The following SLC35F4 variants were observed in gnomAD, a reference collection of about 807,000 sequenced individuals.
SLC35F4 encodes the protein chromosome 14 open reading frame 36.
Under a neutral mutation model 44.2 loss-of-function variants are expected in SLC35F4, and 24 were observed. The observed-to-expected ratio is 0.54, with a 90% CI of 0.39 to 0.76. The LOEUF (loss-of-function observed/expected upper bound fraction) is 0.76. Among genes scored for constraint, SLC35F4 ranks in the 30% least tolerant of loss-of-function variants. SLC35F4 has a pLI of 0.00. For synonymous variants in SLC35F4, 238 were observed against 223.6 expected, an observed-to-expected ratio of 1.06 and a Z score of -0.57; for missense variants, 562 against 586.1, an observed-to-expected ratio of 0.96 and a Z score of 0.42.
At chr14:57,716,306 T>C (rs557252456) in intron 1 of SLC35F4, among the ~76,000 whole-genome samples, 176 of 151,996 alleles carry the variant, frequency 1.2e-3, no homozygotes, top group South Asian at 0.011. Context: ...TTTTTTTTTT[T>C]CTGTCTTTTG....
intron 1 of SLC35F4, among the ~76,000 whole-genome samples, chr14:57,791,421 C>T (rs1463328484): frequency 4.6e-5 from 7 of 152,138 alleles, no homozygotes. Flanking sequence ...AAATCAAAAC[C>T]ACAATGAAAT....
intron 1 of SLC35F4, among the ~76,000 whole-genome samples, chr14:57,722,461 T>A (rs1030746109): frequency 1.3e-5 from 2 of 152,116 alleles, no homozygotes; most frequent in Admixed American, 6.5e-5. Flanking sequence ...CAAAATAGAT[T>A]TGTGAGGCAG....
chr14:57,750,175 T>A (rs2076850710), intron 1 of SLC35F4, among the ~76,000 whole-genome samples: 1 of 152,108 alleles, frequency 6.6e-6, no homozygotes, highest in African/African-American at 2.4e-5. Context: ...TTACTTAAGA[T>A]AATGATGTCC....
intron 1 of SLC35F4, among the ~76,000 whole-genome samples, chr14:57,723,942 C>T (rs765248562): frequency 7.9e-5 from 12 of 152,128 alleles, no homozygotes; most frequent in Non-Finnish European, 1.8e-4. Context: ...GGATCTTCTA[C>T]CTCAGTAAAA....
At chr14:57,739,936 C>T (rs1347432077) in intron 1 of SLC35F4, among the ~76,000 whole-genome samples, 11 of 152,076 alleles carry the variant, frequency 7.2e-5, no homozygotes, top group Non-Finnish European at 1.3e-4. Flanking sequence ...CTTGGCTCAC[C>T]GAAACCTCTG....
intron 1 of SLC35F4, among the ~76,000 whole-genome samples, chr14:57,802,130 C>G (rs562826002): frequency 6.6e-6 from 1 of 152,286 alleles, no homozygotes; most frequent in African/African-American, 2.4e-5. Context: ...AACAAATAGT[C>G]TCTTAGACCA....
intron 1 of SLC35F4, 116 bp downstream of exon 1, chr14:57,865,607 C>G (rs1274775825): frequency 1.3e-6 from 1 of 767,626 alleles, no homozygotes; most frequent in Non-Finnish European, 1.9e-6. Context: ...GTGTTGACAG[C>G]GTCCGCAGGG....
chr14:57,578,144 A>G (rs566935465), intron 4 of SLC35F4, among the ~76,000 whole-genome samples: 5 of 151,930 alleles, frequency 3.3e-5, no homozygotes, highest in Non-Finnish European at 7.4e-5. Context: ...TTCTTTTTAC[A>G]TTAAAAAAAA....
chr14:57,698,110 T>C (rs2075436748), intron 1 of SLC35F4, among the ~76,000 whole-genome samples: 1 of 152,200 alleles, frequency 6.6e-6, no homozygotes, highest in Admixed American at 6.5e-5. Flanking sequence ...ATTGAGTTAA[T>C]ATAAACTACT....
intron 1 of SLC35F4, among the ~76,000 whole-genome samples, chr14:57,708,717 AG>A (rs954872726): frequency 6.6e-5 from 10 of 152,164 alleles, no homozygotes; most frequent in Non-Finnish European, 1.3e-4. Context: ...AGCTGGGCCC[AG>A]GGGACCACTA....
chr14:57,960,702 T>C (rs569839937), intron 1 of SLC35F4, among the ~76,000 whole-genome samples: 4 of 152,190 alleles, frequency 2.6e-5, no homozygotes, highest in African/African-American at 4.8e-5. Flanking sequence ...AAGAGATTTA[T>C]TCTCTTCTAA....
At chr14:57,905,758 C>A (rs1341412538) in intron 1 of SLC35F4, among the ~76,000 whole-genome samples, 2 of 152,030 alleles carry the variant, frequency 1.3e-5, no homozygotes, top group East Asian at 1.9e-4. Flanking sequence ...GATGCTTTTA[C>A]AAGATGGAAT....
intron 1 of SLC35F4, among the ~76,000 whole-genome samples, chr14:57,850,495 T>C (rs1263196188): frequency 6.6e-6 from 1 of 152,220 alleles, no homozygotes; most frequent in Non-Finnish European, 1.5e-5. Context: ...TTGAAATCTT[T>C]AACTGGCATT....
chr14:57,736,801 A>G (rs944099450), intron 1 of SLC35F4, among the ~76,000 whole-genome samples: 3 of 152,202 alleles, frequency 2.0e-5, no homozygotes, highest in Non-Finnish European at 2.9e-5. Flanking sequence ...GGCTACTGCT[A>G]ACCAGTGAGG....
At chr14:57,813,568 A>T (rs1882219407) in intron 1 of SLC35F4, among the ~76,000 whole-genome samples, 1 of 152,196 alleles carries the variant, frequency 6.6e-6, no homozygotes, top group Non-Finnish European at 1.5e-5. Context: ...AAATAAAAAA[A>T]AGTATTTTAA....
chr14:57,845,726 A>G (rs1885959829), intron 1 of SLC35F4, among the ~76,000 whole-genome samples: 1 of 152,200 alleles, frequency 6.6e-6, no homozygotes, highest in Admixed American at 6.5e-5. Flanking sequence ...TGATCTTTAC[A>G]TCAAGTGTAA....
intron 1 of SLC35F4, among the ~76,000 whole-genome samples, chr14:57,622,103 C>T (rs913362886): frequency 5.1e-5 from 7 of 138,384 alleles, no homozygotes; most frequent in African/African-American, 1.9e-4. Flanking sequence ...AAATGCAAAT[C>T]AAAACCACAA....
chr14:57,934,661 A>G (rs533215409), intron 1 of SLC35F4, among the ~76,000 whole-genome samples: 16 of 152,004 alleles, frequency 1.1e-4, no homozygotes, highest in Non-Finnish European at 2.4e-4. Context: ...GCTTGTACAC[A>G]GCTATTAAAT....
upstream of SLC35F4, among the ~76,000 whole-genome samples, chr14:57,869,008 G>A (rs994661692): frequency 9.9e-5 from 15 of 152,102 alleles, no homozygotes; most frequent in Middle Eastern, 6.8e-3. Flanking sequence ...ATTATAATTC[G>A]ATTTGTTATA....
Sources: gnomAD v4.1 joint callset for allele counts (sites outside exome capture counted in the v4.1 genomes callset) on GRCh38, gnomAD v4.1.1 for gene constraint, MANE v1.5 for transcripts, NCBI Gene and HGNC (gene_info 2026-07-23, HGNC 2026-07-21) for gene names.